The following RBM47 variants were observed in gnomAD, a reference collection of about 807,000 sequenced individuals.
RBM47 encodes RNA-binding protein 47.
RBM47 carries 21 observed loss-of-function variants against 47.1 expected under a neutral mutation model. The observed-to-expected ratio is 0.45, with a 90% CI of 0.32 to 0.64. The LOEUF (loss-of-function observed/expected upper bound fraction) is 0.64, where lower values mean the gene tolerates loss of function less well. Among genes scored for constraint, RBM47 ranks in the 30% least tolerant of loss-of-function variants. The probability of loss-of-function intolerance (pLI) is 0.05; values close to 1 mark genes in which losing one functional copy is unlikely to be tolerated. For missense variants in RBM47, 708 were observed against 870.9 expected (o/e 0.81, Z 2.35); for synonymous variants, 375 against 361.7 (o/e 1.04, Z -0.42).
chr4:40,447,880 A>G lies in RBM47; in HGVS notation c.-31-8956T>C, dbSNP rs181398295. Among the ~76,000 whole-genome samples, 302 of 152,290 alleles carry G rather than the reference A, an allele frequency of 2.0e-3. 8 individuals are homozygous for G. In the East Asian group the frequency reaches 0.052, roughly 26 times the overall value. On this transcript the variant is annotated intron_variant, in intron 3 of 6. Coordinates refer to ENST00000295971, the MANE Select transcript of RBM47 (RefSeq NM_001098634.2). ...AAAAAAATTAGCCGGGCATGGTGGCAGGCGCCTGTAGTCCCAGTTACTCTG... is the reference window on the plus strand; with the variant it reads ...AAAAAAATTAGCCGGGCATGGTGGCGGGCGCCTGTAGTCCCAGTTACTCTG...
At chr4:40,509,552 C>T (rs1577841899) in intron 2 of RBM47, among the ~76,000 whole-genome samples, 1 of 152,224 alleles carries the variant, frequency 6.6e-6, no homozygotes, top group Non-Finnish European at 1.5e-5. Flanking sequence ...GTCTGGGCAA[C>T]ATAGTGAGAC....
intron 2 of RBM47, among the ~76,000 whole-genome samples, chr4:40,522,843 G>A (rs1011464217): frequency 1.3e-5 from 2 of 151,530 alleles, no homozygotes; most frequent in Admixed American, 1.3e-4. Flanking sequence ...TAAAAAATGA[G>A]CTTACTATTA....
intron 2 of RBM47, among the ~76,000 whole-genome samples, chr4:40,484,636 C>T (rs1163535759): frequency 6.6e-6 from 1 of 152,196 alleles, no homozygotes; most frequent in Non-Finnish European, 1.5e-5. Context: ...TGACAAATCA[C>T]TGCATAATTT....
At position 40,566,652 on chromosome 4, in the gene RBM47, A is replaced by C. The variant is rs552196057; in HGVS notation, c.-239-22146T>G. Among the ~76,000 whole-genome samples, 3 of 152,150 alleles carry C rather than the reference A, an allele frequency of 2.0e-5. No individual in the cohort carries two copies. In the South Asian group the frequency reaches 6.2e-4, roughly 32 times the overall value. ...AGAGCGAGACTCCATCTCAAAAACA[A>C]AACAAAAAGAGTTAGATATCTTAGT... On this transcript the variant is annotated intron_variant, in intron 1 of 6. Transcript: ENST00000295971.
chr4:40,620,731 G>A (rs190391118), intron 1 of RBM47, among the ~76,000 whole-genome samples: 70 of 151,220 alleles, frequency 4.6e-4, no homozygotes, highest in African/African-American at 1.6e-3. Flanking sequence ...AAGGGTTTTC[G>A]CCATGTTGCC....
At chr4:40,499,818 T>TTCAC (rs913294347) in intron 2 of RBM47, among the ~76,000 whole-genome samples, 3 of 152,234 alleles carry the variant, frequency 2.0e-5, no homozygotes, top group Admixed American at 1.3e-4. Context: ...TTATAGAGTA[T>TTCAC]TCACTCACTC....
intron 3 of RBM47, among the ~76,000 whole-genome samples, chr4:40,441,792 G>A (rs1320995954): frequency 2.0e-5 from 3 of 152,084 alleles, no homozygotes; most frequent in Non-Finnish European, 4.4e-5. Flanking sequence ...AAAAAATCCT[G>A]TTTGCTTTCA....
intron 1 of RBM47, among the ~76,000 whole-genome samples, chr4:40,625,518 G>A (rs1383640210): frequency 6.6e-6 from 1 of 152,106 alleles, no homozygotes; most frequent in Non-Finnish European, 1.5e-5. Flanking sequence ...ACTGCCCATT[G>A]GTACATATAC....
At chr4:40,493,230 T>C (rs879410806) in intron 2 of RBM47, among the ~76,000 whole-genome samples, 6 of 152,142 alleles carry the variant, frequency 3.9e-5, no homozygotes, top group South Asian at 2.1e-4. Flanking sequence ...TAGACTGTCA[T>C]TGAAAAACTC....
In RBM47 at chr4:40,572,936, G is replaced by A. The variant is rs555067396; in HGVS notation, c.-239-28430C>T. Among the ~76,000 whole-genome samples, 17 of 151,618 alleles carry A rather than the reference G, an allele frequency of 1.1e-4. 1 individual carries two copies. The highest frequency in any genetic ancestry group is 2.9e-4 in the African/African-American group (12 of 41,434). On this transcript the variant is annotated intron_variant, in intron 1 of 6. Coordinates refer to ENST00000295971, the MANE Select transcript of RBM47 (RefSeq NM_001098634.2). ...GGAGGCCGAGGCGGGCGGATTACTT[G>A]AGGCCAGGAGTTCAAGACTAGCCTG...
At chr4:40,463,451 G>GA in intron 3 of RBM47, among the ~76,000 whole-genome samples, 1 of 152,086 alleles carries the variant, frequency 6.6e-6, no homozygotes, top group Non-Finnish European at 1.5e-5. Context: ...GCTTCTGTGG[G>GA]AAAAAGTATG....
At chr4:40,446,101 T>C (rs1306604222) in intron 3 of RBM47, among the ~76,000 whole-genome samples, 4 of 152,228 alleles carry the variant, frequency 2.6e-5, no homozygotes, top group Non-Finnish European at 5.9e-5. Context: ...TTTAACATCA[T>C]TAAGAATCTA....
At chr4:40,460,888 C>CAA (rs35536750) in intron 3 of RBM47, among the ~76,000 whole-genome samples, 12,396 of 92,480 alleles carry the variant, frequency 0.13, 1,331 homozygotes, top group East Asian at 0.4. Flanking sequence ...GACTCTGTCT[C>CAA]AAAAAAAAAA....
chr4:40,437,872 T>G lies in RBM47; in HGVS notation c.1022A>C (p.Gln341Pro). 1 of 1,613,914 alleles carries G rather than the reference T, an allele frequency of 6.2e-7. No individual in the cohort carries two copies. The highest frequency in any genetic ancestry group is 1.3e-5 in the African/African-American group (1 of 75,080). ...GCAGGAGTACACGTAGCTGGGCTGC[T>G]GCGCTGCCTCAGCCGCGCCGCCGCC... ...ARGGGAAEAA[Q>P]QPSYVYSCDP... The change falls in exon 4 of 7, where the codon CAG (glutamine) becomes CCG (proline). Residue 341 changes from glutamine (Q) to proline (P), a missense_variant. Physicochemically the swap from Gln to Pro is moderately conservative, Grantham distance 76 (BLOSUM62 -1). Transcript: ENST00000295971.
At chr4:40,447,760 C>T (rs890384866) in intron 3 of RBM47, among the ~76,000 whole-genome samples, 5 of 152,182 alleles carry the variant, frequency 3.3e-5, no homozygotes, top group African/African-American at 9.7e-5. Flanking sequence ...CCTATAATCC[C>T]AGCACTTTGG....
intron 1 of RBM47, among the ~76,000 whole-genome samples, chr4:40,574,806 C>T (rs1342434221): frequency 1.3e-5 from 2 of 152,250 alleles, no homozygotes; most frequent in East Asian, 3.9e-4. Flanking sequence ...GCCAAGATCA[C>T]ACAACTGCAC....
intron 2 of RBM47, among the ~76,000 whole-genome samples, chr4:40,522,377 C>T (rs757937723): frequency 4.6e-5 from 7 of 152,006 alleles, no homozygotes; most frequent in Non-Finnish European, 5.9e-5. Context: ...TGGTGGCAGG[C>T]GCCTGTAATC....
chr4:40,527,840 T>C (rs1216633280), intron 2 of RBM47, among the ~76,000 whole-genome samples: 4 of 152,132 alleles, frequency 2.6e-5, no homozygotes, highest in African/African-American at 9.7e-5. Flanking sequence ...CCTGGAAGAA[T>C]CTTCCAATAT....
At chr4:40,480,269 G>A (rs1334208807) in intron 2 of RBM47, among the ~76,000 whole-genome samples, 3 of 151,996 alleles carry the variant, frequency 2.0e-5, no homozygotes, top group South Asian at 2.1e-4. Flanking sequence ...TGAGCCACGC[G>A]CTCAGCCTCA....
Sources: allele counts gnomAD v4.1 joint callset (sites outside exome capture counted in the v4.1 genomes callset), GRCh38; gene constraint gnomAD v4.1.1; transcripts MANE v1.5; gene names NCBI Gene and HGNC (gene_info 2026-07-23, HGNC 2026-07-21).